The following TMEM237 variants were observed in gnomAD, a reference collection of about 807,000 sequenced individuals.
TMEM237 encodes transmembrane protein 237, also known as amyotrophic lateral sclerosis 2 (juvenile) chromosome region, candidate 4.
TMEM237 carries 51 observed loss-of-function variants against 59.1 expected under a neutral mutation model. The observed-to-expected ratio is 0.86, with a 90% CI of 0.69 to 1.09. The LOEUF is 1.09. Ranked by LOEUF, TMEM237 falls within the 50% of genes least tolerant of loss-of-function variation. TMEM237 has a pLI of 0.00. For missense variants in TMEM237, 475 were observed against 478.3 expected, an observed-to-expected ratio of 0.99 and a Z score of 0.06; for synonymous variants, 140 against 166.1, an observed-to-expected ratio of 0.84 and a Z score of 1.21.
At chr2:201,640,999 T>A in intron 1 of TMEM237, 75 bp from the exon 2 acceptor site, 1 of 1,371,378 alleles carries the variant, frequency 7.3e-7, no homozygotes, top group Non-Finnish European at 1.0e-6. Flanking sequence ...TCACGCTATT[T>A]TTTTTTTTTT....
chr2:201,636,526 T>G, intron 5 of TMEM237: 1 of 462,294 alleles, frequency 2.2e-6, no homozygotes, highest in East Asian at 3.9e-5. Flanking sequence ...CTGTATTTGT[T>G]GCCCTCCTCT....
In TMEM237 at chr2:201,629,378, C is replaced by G. The variant is rs759814109; in HGVS notation, c.721G>C (p.Val241Leu). ...FSHGFLAGCA[V>L]WNIVVIYVLA... is the part of the protein sequence containing the mutation. ...ACATATATCACAACAATATTCCACA[C>G]AGCACAGCCAGCCAAGAATCCATGA... Residue 241 changes from valine (V) to leucine (L), a missense_variant, in exon 9 of 13, where the codon GTG becomes CTG. Physicochemically the swap from Val to Leu is conservative, Grantham distance 32 (BLOSUM62 1). Coordinates refer to ENST00000409883, the MANE Select transcript of TMEM237 (RefSeq NM_001044385.3). The G allele has an allele frequency of 6.3e-7, 1 of 1,593,118 alleles. No individual in the cohort carries two copies. Among genetic ancestry groups the G allele is most frequent in the Non-Finnish European group, 8.5e-7 (1 of 1,174,220 alleles).
chr2:201,640,299 C>T, intron 2 of TMEM237, 34 bp from the exon 3 acceptor site: 1 of 1,545,770 alleles, frequency 6.5e-7, no homozygotes, highest in Admixed American at 2.0e-5. Context: ...CAAATTTAAT[C>T]AGCAGGACAA....
In TMEM237 at chr2:201,636,828, T is replaced by C. The variant is rs141817764; in HGVS notation, c.194A>G (p.Asn65Ser). ...QTAGRRPSEGNEPSTKELKEH... is the reference protein window; with the variant it reads ...QTAGRRPSEGSEPSTKELKEH... ...TTTGAGTTCTTTAGTTGATGGCTCA[T>C]TGCCCTCAGAGGGCCTTCGACCAGC... The change falls in exon 5 of 13, where the codon AAT (asparagine) becomes AGT (serine). Residue 65 changes from asparagine (N) to serine (S), a missense_variant. By Grantham distance (46) the Asn-to-Ser change is conservative. Transcript: ENST00000409883. The C allele has an allele frequency of 3.6e-4, 582 of 1,605,538 alleles. 4 individuals carry two copies. The African/African-American group carries it at 6.1e-3, about 17-fold the overall frequency.
chr2:201,626,367 T>TG, intron 11 of TMEM237: 2 of 363,368 alleles, frequency 5.5e-6, no homozygotes, highest in South Asian at 7.4e-5. Context: ...GCTGTATACA[T>TG]TCATATAAAT....
In TMEM237 at chr2:201,636,765, T is replaced by C; in HGVS notation, c.257A>G (p.Lys86Arg). The C allele has an allele frequency of 6.3e-7, 1 of 1,577,152 alleles. No homozygotes were observed. Residue 86 changes from lysine to arginine, a missense_variant, in exon 5 of 13, where the codon AAG (lysine) becomes AGG (arginine). Transcript: ENST00000409883. Reference sequence around the variant, plus strand: ...TCACATACCAAGAGGTAGCCTTGTCTTTTTCTGTCTTCTTTGAACAGGAGC... The same window carrying C: ...TCACATACCAAGAGGTAGCCTTGTCCTTTTCTGTCTTCTTTGAACAGGAGC... ...PEAPVQRRQK[K>R]TRLPLELETS...
chr2:201,631,434 C>CTATTTCATCATTAG (rs1559586977), intron 7 of TMEM237: 7 of 152,356 alleles, frequency 4.6e-5, no homozygotes, highest in African/African-American at 1.7e-4. Context: ...TACAATGTCA[C>CTATTTCATCATTAG]AACTATCTTG....
At position 201,623,409 on chromosome 2, in the gene TMEM237, C is replaced by T. The variant is rs1957728247; in HGVS notation, c.*846G>A. ...CCTGGAAAACCAGAAACCTCTCTGA[C>T]AAAGAGCTGGAGAACAGAGATGGTG... is the stretch of plus-strand genomic sequence containing the variant. On this transcript the variant is annotated 3_prime_UTR_variant, in exon 13 of 13. Coordinates refer to ENST00000409883, the MANE Select transcript of TMEM237 (RefSeq NM_001044385.3). 5.8e-6 allele frequency: 1 copy of T among 171,000 alleles called. No individual in the cohort carries two copies. Among genetic ancestry groups the T allele is most frequent in the South Asian group, 1.4e-4 (1 of 7,016 alleles). 10.6% of individuals were successfully genotyped at this position (171,000 alleles called of 1,614,324 possible).
Position 201,635,295 on chromosome 2 carries a change from G to A in TMEM237, c.274+1453C>T, listed in dbSNP as rs1687275604. On this transcript the variant is annotated intron_variant, in intron 5 of 12. Coordinates refer to ENST00000409883, the MANE Select transcript of TMEM237 (RefSeq NM_001044385.3). This position sits in a 1 kb window ranked among gnomAD's most constrained non-coding sequence, Gnocchi z 4.5. ...CAAGAGTCTTTGCAGATGAAATCAA[G>A]TTAAGATGAGGTCATGCTAGATTGG... Among the ~76,000 whole-genome samples the A allele has an allele frequency of 6.6e-6, 1 of 152,184 alleles. No individual in the cohort carries two copies. The highest frequency in any genetic ancestry group is 2.1e-4 in the South Asian group (1 of 4,834).
rs1207215977 is a variant in TMEM237 at position 201,643,479 on chromosome 2, G to T, written c.-79C>A. 6 of 1,244,298 alleles carry T rather than the reference G, an allele frequency of 4.8e-6. No individual in the cohort carries two copies. In the East Asian group the frequency reaches 1.6e-4, roughly 33 times the overall value. 77.1% of individuals were successfully genotyped at this position (1,244,298 alleles called of 1,614,324 possible). On this transcript the variant is annotated 5_prime_UTR_variant, in exon 1 of 13. Coordinates refer to ENST00000409883, the MANE Select transcript of TMEM237 (RefSeq NM_001044385.3). This position sits in a 1 kb window ranked among gnomAD's most constrained non-coding sequence, Gnocchi z 4.3. The stretch of plus-strand genomic sequence containing the variant: ...CTCCCCGCGACGCAGCGGCCTCCGG[G>T]ACCTGTGGGACGCCGGGGCTTCGTG...
Position 201,621,887 on chromosome 2 carries a change from C to T in TMEM237, c.*2368G>A, listed in dbSNP as rs1957711526. 6.6e-6 allele frequency: 1 copy of T among 152,600 alleles called. No individual in the cohort carries two copies. Among genetic ancestry groups the T allele is most frequent in the Admixed American group, 6.5e-5 (1 of 15,286 alleles). 9.5% of individuals were successfully genotyped at this position (152,600 alleles called of 1,614,324 possible). The stretch of plus-strand genomic sequence containing the variant: ...GGCCTCAGCAATGTGCCTCAAGTGT[C>T]ACTGTGAGATCATTCCCTGCTTCCT... On this transcript the variant is annotated 3_prime_UTR_variant, in exon 13 of 13. Coordinates refer to ENST00000409883, the MANE Select transcript of TMEM237 (RefSeq NM_001044385.3).
chr2:201,629,589 G>T, intron 8 of TMEM237, 140 bp downstream of exon 8: 2 of 1,303,852 alleles, frequency 1.5e-6, no homozygotes, highest in Non-Finnish European at 1.0e-6. Context: ...ATTCCAATAG[G>T]ATGTTTAAAA....
chr2:201,623,952 G>A lies in TMEM237; in HGVS notation c.*303C>T, dbSNP rs1957734276. On this transcript the variant is annotated 3_prime_UTR_variant, in exon 13 of 13. Coordinates refer to ENST00000409883, the MANE Select transcript of TMEM237 (RefSeq NM_001044385.3). ...TTAAGTTATGGCTTTTTCTAAACCA[G>A]TGCTTTTTAAGGTAATAGTTATAAA... 3 of 206,070 alleles carry A rather than the reference G, an allele frequency of 1.5e-5. No individual in the cohort carries two copies. The highest frequency in any genetic ancestry group is 2.9e-4 in the South Asian group (2 of 7,006). The allele number at this position is 206,070 out of a possible 1,614,324, so 12.8% of individuals were successfully genotyped here.
At position 201,640,622 on chromosome 2, in the gene TMEM237, TA is replaced by T. The variant is rs553219152; in HGVS notation, c.74+270del. Among the ~76,000 whole-genome samples the T allele has an allele frequency of 1.0e-3, 146 of 146,442 alleles. 1 individual carries two copies. The South Asian group carries it at 0.017, about 17-fold the overall frequency. ...CTCACAAAAGACCAGAATTCTGATT[TA>T]AAAAAAAAAAGACACCAAAACAGTT... On this transcript the variant is annotated intron_variant, in intron 2 of 12. Transcript: ENST00000409883.
chr2:201,643,061 A>G lies in TMEM237; in HGVS notation c.42+298T>C. On this transcript the variant is annotated intron_variant, in intron 1 of 12. Transcript: ENST00000409883. This position sits in a 1 kb window ranked among gnomAD's most constrained non-coding sequence, Gnocchi z 4.3. ...GAGAGGCCTGGCTGGAAGCCCCGGC[A>G]CCCGCCGGGCCCCGGGCCTCAGATG... The G allele has an allele frequency of 8.5e-7, 1 of 1,179,016 alleles. No individual in the cohort carries two copies. The highest frequency in any genetic ancestry group is 1.1e-6 in the Non-Finnish European group (1 of 909,512). The allele number at this position is 1,179,016 out of a possible 1,614,324, so 73.0% of individuals were successfully genotyped here. A position where few individuals can be genotyped will look rare whatever the true frequency, so the allele number is the denominator to read the frequency against.
chr2:201,629,814 T>C lies in TMEM237; in HGVS notation c.592A>G (p.Thr198Ala). Reference protein sequence around the residue: ...QAADRSELIKTTENIDVSMDV... With the variant: ...QAADRSELIKATENIDVSMDV... ...ATTGACACATCTATGTTTTCTGTGG[T>C]CTTTATCAACTCTGAACGATCAGCA... Residue 198 changes from threonine to alanine, a missense_variant, in exon 8 of 13, where the codon ACC becomes GCC. Transcript: ENST00000409883. The C allele has an allele frequency of 6.2e-7, 1 of 1,613,482 alleles. No individual in the cohort carries two copies. Among genetic ancestry groups the C allele is most frequent in the African/African-American group, 1.3e-5 (1 of 75,040 alleles).
At position 201,624,242 on chromosome 2, in the gene TMEM237, A is replaced by C. The variant is rs1159614150; in HGVS notation, c.*13T>G. 6.2e-7 allele frequency: 1 copy of C among 1,607,524 alleles called. No individual in the cohort carries two copies. Among genetic ancestry groups the C allele is most frequent in the South Asian group, 1.1e-5 (1 of 90,432 alleles). On this transcript the variant is annotated 3_prime_UTR_variant, in exon 13 of 13. Transcript: ENST00000409883. The stretch of plus-strand genomic sequence containing the variant: ...AAATACTGGGTCATTATTCCTCCAA[A>C]GGTGAGCTGGTATTATGAAGAGGCT...
At chr2:201,634,066 A>C (rs1234270870) in intron 5 of TMEM237, among the ~76,000 whole-genome samples, 2 of 152,230 alleles carry the variant, frequency 1.3e-5, no homozygotes, top group Admixed American at 6.5e-5. Flanking sequence ...ATGCACCGTG[A>C]GTCACCTTAT....
At chr2:201,638,209 A>G (rs1031480732) in intron 4 of TMEM237, among the ~76,000 whole-genome samples, 6 of 152,252 alleles carry the variant, frequency 3.9e-5, no homozygotes, top group African/African-American at 1.4e-4. Context: ...TCTATGTATT[A>G]AGAAACAAAG....
Sources: allele counts gnomAD v4.1 joint callset (sites outside exome capture counted in the v4.1 genomes callset), GRCh38; gene constraint gnomAD v4.1.1; non-coding constraint Gnocchi (gnomAD v3.1); transcripts MANE v1.5; gene names NCBI Gene and HGNC (gene_info 2026-07-23, HGNC 2026-07-21).